CNTN5: variants seen among roughly 807,000 people sequenced by gnomAD.
CNTN5 encodes the protein contactin-5.
CNTN5 carries 77 observed loss-of-function variants against 129.1 expected under a neutral mutation model. The ratio of observed to expected loss-of-function variants is 0.60; its 90% CI spans 0.50 to 0.72. The LOEUF (loss-of-function observed/expected upper bound fraction) is 0.72, where lower values mean the gene tolerates loss of function less well. Ranked by LOEUF, CNTN5 falls within the 30% of genes least tolerant of loss-of-function variation. The pLI is 0.00. For missense variants in CNTN5, 1,478 were observed against 1,328.8 expected, an observed-to-expected ratio of 1.11 and a Z score of -1.75; for synonymous variants, 509 against 465.6, an observed-to-expected ratio of 1.09 and a Z score of -1.20.
intron 13 of CNTN5, among the ~76,000 whole-genome samples, chr11:100,161,830 T>TACACACACACAC (rs71050053): frequency 0.038 from 4,797 of 125,732 alleles, 149 homozygotes; most frequent in Middle Eastern, 0.056. Context: ...TGGAGCTTCC[T>TACACACACACAC]ACACACACAC....
intron 2 of CNTN5, among the ~76,000 whole-genome samples, chr11:99,433,409 G>GTGTGTGTGTCTT (rs1565578723): frequency 2.7e-5 from 4 of 147,892 alleles, no homozygotes; most frequent in African/African-American, 1.0e-4. Flanking sequence ...GTGTCTTTGT[G>GTGTGTGTGTCTT]TGTGTGTGTG....
chr11:99,595,178 A>G (rs964962484), intron 3 of CNTN5, among the ~76,000 whole-genome samples: 1 of 152,174 alleles, frequency 6.6e-6, no homozygotes, highest in Non-Finnish European at 1.5e-5. Flanking sequence ...AGAACAATGT[A>G]CTGTATATTT....
intron 6 of CNTN5, among the ~76,000 whole-genome samples, chr11:99,912,441 T>G (rs563849592): frequency 7.9e-5 from 12 of 152,122 alleles, no homozygotes; most frequent in African/African-American, 2.9e-4. Context: ...TTCATTTATA[T>G]ATGTATATCC....
At chr11:99,896,941 C>T (rs1949222512) in intron 6 of CNTN5, among the ~76,000 whole-genome samples, 1 of 152,100 alleles carries the variant, frequency 6.6e-6, no homozygotes, top group Non-Finnish European at 1.5e-5. Flanking sequence ...CCCTTGGGAT[C>T]CCACCACCTA....
At chr11:100,000,228 C>T (rs1179579058) in intron 8 of CNTN5, among the ~76,000 whole-genome samples, 1 of 151,978 alleles carries the variant, frequency 6.6e-6, no homozygotes, top group Admixed American at 6.6e-5. Flanking sequence ...AAGAATAGTC[C>T]TTTCCACCTA....
chr11:99,684,399 A>G (rs1397234878), intron 3 of CNTN5, among the ~76,000 whole-genome samples: 1 of 151,844 alleles, frequency 6.6e-6, no homozygotes, highest in African/African-American at 2.4e-5. Context: ...AGTCCACTTA[A>G]CAACTGTAAT....
chr11:99,934,839 C>A (rs1380946818), intron 7 of CNTN5, among the ~76,000 whole-genome samples: 1 of 148,688 alleles, frequency 6.7e-6, no homozygotes, highest in Non-Finnish European at 1.5e-5. Flanking sequence ...CGCACCACTG[C>A]ACTCCAGCCT....
chr11:99,293,484 A>G (rs1037506167), intron 1 of CNTN5, among the ~76,000 whole-genome samples: 4 of 152,106 alleles, frequency 2.6e-5, no homozygotes, highest in African/African-American at 9.7e-5. Context: ...GAACAGTTTG[A>G]GTATACGTGG....
At chr11:99,829,966 A>G (rs1207418781) in intron 4 of CNTN5, among the ~76,000 whole-genome samples, 1 of 152,034 alleles carries the variant, frequency 6.6e-6, no homozygotes, top group Non-Finnish European at 1.5e-5. Flanking sequence ...ATCTGTTTTT[A>G]TTGTTGTTAT....
Position 99,900,881 on chromosome 11 carries a change from C to T in CNTN5, c.578-15173C>T, listed in dbSNP as rs1478937582. 2.0e-5 allele frequency among the ~76,000 whole-genome samples: 3 copies of T among 151,962 alleles called. No individual in the cohort carries two copies. The East Asian group carries it at 5.8e-4, about 29-fold the overall frequency. On this transcript the variant is annotated intron_variant, in intron 6 of 24. Coordinates refer to ENST00000524871, the MANE Select transcript of CNTN5 (RefSeq NM_014361.4). ...CCCTTTTTTTCATCACTCTGTTTCC[C>T]AGCTAGCCTCATACATGTCTCTAAA... is the stretch of plus-strand genomic sequence containing the variant.
rs183591354 is a variant in CNTN5, at chr11:100,020,429, C to T, written c.980+18293C>T. On this transcript the variant is annotated intron_variant, in intron 9 of 24. Transcript: ENST00000524871. ...TGTTGTTAGCACCTTTGTCAAATAA[C>T]AGTTAACTGTAGATGTGTCAACTCG... 1.9e-3 allele frequency among the ~76,000 whole-genome samples: 287 copies of T among 152,122 alleles called. 2 individuals carry two copies. The highest frequency in any genetic ancestry group is 1.4e-3 in the Non-Finnish European group (92 of 67,932).
intron 3 of CNTN5, among the ~76,000 whole-genome samples, chr11:99,556,572 T>TATAC (rs1255900778): frequency 7.1e-6 from 1 of 140,680 alleles, no homozygotes; most frequent in Non-Finnish European, 1.6e-5. Context: ...TATATATATA[T>TATAC]ATATATATAT....
At chr11:99,505,474 G>A (rs1402252913) in intron 2 of CNTN5, among the ~76,000 whole-genome samples, 3 of 152,122 alleles carry the variant, frequency 2.0e-5, no homozygotes, top group Non-Finnish European at 4.4e-5. Flanking sequence ...TTTTTTGAGA[G>A]CTTAATAAAT....
At chr11:100,255,981 T>C (rs1193677241) in intron 17 of CNTN5, 63 bp downstream of exon 17, 2 of 1,438,484 alleles carry the variant, frequency 1.4e-6, no homozygotes, top group Non-Finnish European at 9.6e-7. Flanking sequence ...TAAGCTATAT[T>C]TGGCTAAGGT....
chr11:99,968,068 A>G (rs945064327), intron 8 of CNTN5, among the ~76,000 whole-genome samples: 19 of 152,188 alleles, frequency 1.2e-4, no homozygotes, highest in Non-Finnish European at 2.4e-4. Flanking sequence ...CATCTTCGCA[A>G]AATTCACCAT....
At chr11:99,195,133 C>T (rs1213958786) in intron 1 of CNTN5, among the ~76,000 whole-genome samples, 1 of 152,046 alleles carries the variant, frequency 6.6e-6, no homozygotes, top group Non-Finnish European at 1.5e-5. Flanking sequence ...AAAAAGTAAT[C>T]TGAAGGATTA....
At chr11:99,280,292 AT>A (rs1045664060) in intron 1 of CNTN5, among the ~76,000 whole-genome samples, 1 of 151,826 alleles carries the variant, frequency 6.6e-6, no homozygotes, top group Non-Finnish European at 1.5e-5. Flanking sequence ...TATGAAATAA[AT>A]CAAAAGCAAT....
chr11:99,894,810 A>G (rs1859122857), intron 6 of CNTN5, among the ~76,000 whole-genome samples: 1 of 152,176 alleles, frequency 6.6e-6, no homozygotes, highest in Non-Finnish European at 1.5e-5. Context: ...AATGTAAGTT[A>G]CGTGGTTTTG....
intron 2 of CNTN5, among the ~76,000 whole-genome samples, chr11:99,403,355 A>G (rs1422011467): frequency 1.3e-5 from 2 of 151,804 alleles, no homozygotes; most frequent in Non-Finnish European, 1.5e-5. Context: ...TATTATTTTC[A>G]TTTATTTCTG....
Sources: gnomAD v4.1 joint callset for allele counts (sites outside exome capture counted in the v4.1 genomes callset) on GRCh38, gnomAD v4.1.1 for gene constraint, MANE v1.5 for transcripts, NCBI Gene and HGNC (gene_info 2026-07-23, HGNC 2026-07-21) for gene names.